The following EIF4ENIF1 variants were observed in gnomAD, a reference collection of about 807,000 sequenced individuals.
The protein encoded by EIF4ENIF1 is eukaryotic translation initiation factor 4E transporter.
EIF4ENIF1 carries 23 observed loss-of-function variants against 110.5 expected under a neutral mutation model. The ratio of observed to expected loss-of-function variants is 0.21; its 90% CI spans 0.15 to 0.29. The LOEUF (loss-of-function observed/expected upper bound fraction) is 0.29, where lower values mean the gene tolerates loss of function less well. Ranked by LOEUF, EIF4ENIF1 falls within the 10% of genes least tolerant of loss-of-function variation. The pLI is 1.00. For missense variants in EIF4ENIF1, 1,031 were observed against 1,221.1 expected (o/e 0.84, Z 2.32); for synonymous variants, 440 against 437.0 (o/e 1.01, Z -0.09).
At position 31,450,364 on chromosome 22, in the gene EIF4ENIF1, A is replaced by G. The variant is rs774409997; in HGVS notation, c.1513-4T>C. On this transcript the variant is annotated splice_polypyrimidine_tract_variant and splice_region_variant and intron_variant, in intron 10 of 18. Coordinates refer to ENST00000330125, the MANE Select transcript of EIF4ENIF1 (RefSeq NM_019843.4). The stretch of plus-strand genomic sequence containing the variant: ...TCAAATGGCTTTCAAGGTTTCGCTA[A>G]AAGAGTCAAAAGAAAACTGGTTTTA... 1.2e-6 allele frequency: 2 copies of G among 1,612,378 alleles called. No homozygotes were observed. Among genetic ancestry groups the G allele is most frequent in the South Asian group, 1.1e-5 (1 of 91,028 alleles).
At chr22:31,483,135 C>T (rs2051886019) in intron 2 of EIF4ENIF1, among the ~76,000 whole-genome samples, 1 of 148,224 alleles carries the variant, frequency 6.7e-6, no homozygotes, top group African/African-American at 2.5e-5. Context: ...ATAGCAGGTA[C>T]TATATTCCAG....
chr22:31,443,407 A>C, intron 15 of EIF4ENIF1: 1 of 105,884 alleles, frequency 9.4e-6, no homozygotes, highest in Non-Finnish European at 1.6e-5. Context: ...ACTTGGAGCA[A>C]CAGACCTTCC....
At chr22:31,438,134 T>A (rs370863550), downstream of EIF4ENIF1, among the ~76,000 whole-genome samples, 20 of 152,166 alleles carry the variant, frequency 1.3e-4, no homozygotes, top group East Asian at 7.7e-4. Context: ...CCAACCACCT[T>A]GACCTTTACC....
chr22:31,488,308 A>G (rs2052122042), intron 2 of EIF4ENIF1, among the ~76,000 whole-genome samples: 1 of 152,190 alleles, frequency 6.6e-6, no homozygotes, highest in Non-Finnish European at 1.5e-5. Context: ...CTCACAGTAC[A>G]GTATGTAAAT....
intron 10 of EIF4ENIF1, among the ~76,000 whole-genome samples, chr22:31,453,669 A>T (rs1230065772): frequency 2.0e-5 from 3 of 152,176 alleles, no homozygotes; most frequent in Non-Finnish European, 4.4e-5. Flanking sequence ...CACTGTGCTC[A>T]GCCCCATCTT....
At chr22:31,449,945 G>A (rs1000129182) in intron 11 of EIF4ENIF1, among the ~76,000 whole-genome samples, 1 of 152,008 alleles carries the variant, frequency 6.6e-6, no homozygotes, top group African/African-American at 2.4e-5. Flanking sequence ...TGGCCAGGCT[G>A]GTCTCAAACT....
chr22:31,490,727 T>C (rs2052247498), upstream of EIF4ENIF1, among the ~76,000 whole-genome samples: 1 of 152,152 alleles, frequency 6.6e-6, no homozygotes, highest in Non-Finnish European at 1.5e-5. Context: ...AACTGCATCC[T>C]GGGGAGGAAG....
At chr22:31,470,740 T>G (rs1601623200) in intron 3 of EIF4ENIF1, among the ~76,000 whole-genome samples, 1 of 148,324 alleles carries the variant, frequency 6.7e-6, no homozygotes, top group Non-Finnish European at 1.5e-5. Context: ...TGGAGTGCAG[T>G]GACACAATCA....
chr22:31,489,900 C>G (rs1406850575), upstream of EIF4ENIF1: 1 of 152,372 alleles, frequency 6.6e-6, no homozygotes, highest in African/African-American at 2.4e-5. Context: ...ACTCCCTCCA[C>G]GCACCCTGGC....
At chr22:31,473,749 T>C (rs1190907135) in intron 2 of EIF4ENIF1, among the ~76,000 whole-genome samples, 1 of 152,202 alleles carries the variant, frequency 6.6e-6, no homozygotes, top group Admixed American at 6.5e-5. Flanking sequence ...TGGTGCTAAT[T>C]TGGATCATTT....
intron 2 of EIF4ENIF1, among the ~76,000 whole-genome samples, chr22:31,476,464 G>T (rs762121443): frequency 1.3e-5 from 2 of 151,958 alleles, no homozygotes; most frequent in African/African-American, 2.4e-5. Context: ...TCCTATTGAC[G>T]AGGAATCAAA....
At chr22:31,440,593 G>T in intron 18 of EIF4ENIF1, 111 bp downstream of exon 18, 1 of 1,333,892 alleles carries the variant, frequency 7.5e-7, no homozygotes, top group Non-Finnish European at 1.0e-6. Context: ...CCCAAACTTA[G>T]AACAAGTTAA....
At chr22:31,468,149 C>T (rs1159408854) in intron 4 of EIF4ENIF1, 26 bp downstream of exon 4, 3 of 1,608,272 alleles carry the variant, frequency 1.9e-6, no homozygotes, top group African/African-American at 2.7e-5. Flanking sequence ...ATCACTAACC[C>T]CACTTCTGAG....
downstream of EIF4ENIF1, among the ~76,000 whole-genome samples, chr22:31,438,924 C>A (rs899132291): frequency 6.6e-6 from 1 of 152,010 alleles, no homozygotes; most frequent in Non-Finnish European, 1.5e-5. Context: ...ATTTCACCAT[C>A]TTGGCTAGGA....
In EIF4ENIF1 at chr22:31,463,139, A is replaced by T. The variant is rs1464594161; in HGVS notation, c.586-6T>A. On this transcript the variant is annotated splice_region_variant and splice_polypyrimidine_tract_variant and intron_variant, in intron 5 of 18. Transcript: ENST00000330125. ...TTACTATCTCCAAACTCTCTCTGGA[A>T]AAGTACATAAAGCAAGATTAAAAAA... 2 of 1,611,234 alleles carry T rather than the reference A, an allele frequency of 1.2e-6. No homozygotes were observed. Among genetic ancestry groups the T allele is most frequent in the Non-Finnish European group, 1.7e-6 (2 of 1,179,296 alleles).
chr22:31,474,228 T>C (rs1472119538), intron 2 of EIF4ENIF1, among the ~76,000 whole-genome samples: 2 of 152,014 alleles, frequency 1.3e-5, no homozygotes, highest in South Asian at 2.1e-4. Context: ...TGGCTAATTT[T>C]TTTTGTATTT....
In EIF4ENIF1 at chr22:31,449,352, T is replaced by G. The variant is rs578183452; in HGVS notation, c.1764A>C (p.Pro588=). The G allele has an allele frequency of 2.5e-6, 4 of 1,613,150 alleles. No individual in the cohort carries two copies. The South Asian group carries it at 4.4e-5, about 18-fold the overall frequency. Residue 588 remains proline, a synonymous_variant, in exon 12 of 19, where the codon CCA becomes CCC. Coordinates refer to ENST00000330125, the MANE Select transcript of EIF4ENIF1 (RefSeq NM_019843.4). ...ADYLRPRIPS[P]IGFTPGPQQL... ...TTGACAAATAAGTATATTTACCAAT[T>G]GGTGATGGTATTCTTGGGCGAAGGT... is the stretch of plus-strand genomic sequence containing the variant.
intron 14 of EIF4ENIF1, chr22:31,446,945 C>A: frequency 2.2e-6 from 1 of 464,024 alleles, no homozygotes; most frequent in Admixed American, 2.5e-5. Flanking sequence ...AACCTGTCAG[C>A]TCTGGCCAAA....
upstream of EIF4ENIF1, among the ~76,000 whole-genome samples, chr22:31,492,879 A>G (rs753191726): frequency 6.7e-6 from 1 of 148,474 alleles, no homozygotes; most frequent in Non-Finnish European, 1.5e-5. Flanking sequence ...TTACAGGCGC[A>G]TGCCACCACG....
Sources: gnomAD v4.1 joint callset for allele counts (sites outside exome capture counted in the v4.1 genomes callset) on GRCh38, gnomAD v4.1.1 for gene constraint, MANE v1.5 for transcripts, NCBI Gene and HGNC (gene_info 2026-07-23, HGNC 2026-07-21) for gene names.